Variants in GRID2 observed in about 807,000 individuals in gnomAD.
The protein encoded by GRID2 is glutamate ionotropic receptor delta type subunit 2.
GRID2 carries 33 observed loss-of-function variants against 114.8 expected under a neutral mutation model. That is an observed-to-expected ratio of 0.29 (90% CI 0.22 to 0.38). GRID2 has a LOEUF of 0.38. Ranked by LOEUF, GRID2 falls within the 10% of genes least tolerant of loss-of-function variation. The pLI is 1.00. For synonymous variants in GRID2, 505 were observed against 449.9 expected (o/e 1.12, Z -1.55); for missense variants, 1,184 against 1,257.7 (o/e 0.94, Z 0.89).
intron 4 of GRID2, among the ~76,000 whole-genome samples, chr4:93,147,083 T>A (rs1422683527): frequency 6.6e-6 from 1 of 152,088 alleles, no homozygotes; most frequent in African/African-American, 2.4e-5. Flanking sequence ...TAATGAAATT[T>A]GATGAATTTT....
At chr4:93,537,431 T>C (rs967057204) in intron 13 of GRID2, among the ~76,000 whole-genome samples, 1 of 151,682 alleles carries the variant, frequency 6.6e-6, no homozygotes, top group Non-Finnish European at 1.5e-5. Context: ...TAAAAACAAA[T>C]GGCTATAAAA....
rs747996250 is a variant in GRID2, at chr4:92,620,465, G to T, written c.244+30179G>T. ...ACTTGAATAACTTATTATATATCTG[G>T]GACCAGTAAAAGAGAGACTCAAAGA... On this transcript the variant is annotated intron_variant, in intron 2 of 15. Coordinates refer to ENST00000282020, the MANE Select transcript of GRID2 (RefSeq NM_001510.4). 1.0e-3 allele frequency among the ~76,000 whole-genome samples: 151 copies of T among 151,586 alleles called. 1 individual carries two copies. The highest frequency in any genetic ancestry group is 1.6e-4 in the Non-Finnish European group (11 of 67,828).
At chr4:92,572,725 A>T (rs972354459) in intron 1 of GRID2, among the ~76,000 whole-genome samples, 1 of 152,062 alleles carries the variant, frequency 6.6e-6, no homozygotes, top group African/African-American at 2.4e-5. Context: ...TCGGTTTAGC[A>T]GTGTTTTGTT....
At chr4:93,254,831 AATT>A (rs1342149135) in intron 8 of GRID2, among the ~76,000 whole-genome samples, 1 of 152,152 alleles carries the variant, frequency 6.6e-6, no homozygotes, top group African/African-American at 2.4e-5. Context: ...GAAATTGGAT[AATT>A]ATTCTTGGGA....
chr4:93,227,612 T>C (rs1015653523), intron 7 of GRID2, among the ~76,000 whole-genome samples: 5 of 152,216 alleles, frequency 3.3e-5, no homozygotes, highest in Non-Finnish European at 7.3e-5. Context: ...ATAAAATCTA[T>C]CTTTAAGTCG....
At chr4:92,623,446 A>G (rs1436215366) in intron 2 of GRID2, among the ~76,000 whole-genome samples, 1 of 151,728 alleles carries the variant, frequency 6.6e-6, no homozygotes, top group Non-Finnish European at 1.5e-5. Flanking sequence ...TACATGAAAC[A>G]AAGCCATAAT....
intron 7 of GRID2, among the ~76,000 whole-genome samples, chr4:93,225,034 C>T (rs770017361): frequency 6.6e-6 from 1 of 152,014 alleles, no homozygotes; most frequent in Non-Finnish European, 1.5e-5. Flanking sequence ...ATGTCATTAG[C>T]ATTAGAGATA....
chr4:93,747,921 A>G lies in GRID2; in HGVS notation c.2361-21289A>G, dbSNP rs115743894. Among the ~76,000 whole-genome samples the G allele has an allele frequency of 6.1e-3, 927 of 152,254 alleles. 13 individuals carry two copies. The highest frequency in any genetic ancestry group is 0.021 in the African/African-American group (884 of 41,554). ...TTCGTTCTCACATCGTCACCATGAG[A>G]TAAGTACTATTTTTCAACTTGCAGA... On this transcript the variant is annotated intron_variant, in intron 14 of 15. Transcript: ENST00000282020.
intron 13 of GRID2, among the ~76,000 whole-genome samples, chr4:93,543,651 G>A (rs1264411209): frequency 1.3e-5 from 2 of 151,284 alleles, no homozygotes; most frequent in African/African-American, 4.9e-5. Context: ...TGGGAGTAAG[G>A]GCAAGGGAGT....
At chr4:92,305,966 A>G (rs1360524751) in intron 1 of GRID2, among the ~76,000 whole-genome samples, 1 of 152,144 alleles carries the variant, frequency 6.6e-6, no homozygotes, top group East Asian at 1.9e-4. Context: ...AATTGAGGCG[A>G]CAGATGGGTC....
At chr4:93,605,808 T>G (rs1235328552) in intron 13 of GRID2, among the ~76,000 whole-genome samples, 11 of 152,166 alleles carry the variant, frequency 7.2e-5, no homozygotes, top group Non-Finnish European at 2.9e-5. Context: ...GTAAGTATAA[T>G]GCAATGTGCT....
intron 8 of GRID2, among the ~76,000 whole-genome samples, chr4:93,327,988 A>C (rs4693312): frequency 0.4 from 59,991 of 151,794 alleles, 12,139 homozygotes; most frequent in East Asian, 0.62. Context: ...ACTGAAGAAA[A>C]CTAACTAGTT....
At chr4:92,455,659 GT>G (rs1203650389) in intron 1 of GRID2, among the ~76,000 whole-genome samples, 3 of 152,170 alleles carry the variant, frequency 2.0e-5, no homozygotes, top group African/African-American at 7.2e-5. Context: ...AGACCATTGT[GT>G]CTAGGTAGGG....
chr4:93,295,388 C>T (rs1754183456), intron 8 of GRID2, among the ~76,000 whole-genome samples: 1 of 152,156 alleles, frequency 6.6e-6, no homozygotes, highest in South Asian at 2.1e-4. Flanking sequence ...GTGATATCCT[C>T]AATGCCAAAT....
intron 14 of GRID2, among the ~76,000 whole-genome samples, chr4:93,759,302 C>A (rs944128035): frequency 2.0e-5 from 3 of 152,004 alleles, no homozygotes; most frequent in African/African-American, 4.8e-5. Flanking sequence ...ATGACTCTAA[C>A]CTAGAGAGAT....
intron 1 of GRID2, among the ~76,000 whole-genome samples, chr4:92,366,504 G>T (rs1437464737): frequency 2.0e-5 from 3 of 151,934 alleles, no homozygotes; most frequent in African/African-American, 7.2e-5. Context: ...CGTATGGCAG[G>T]CACTCAAGGA....
intron 1 of GRID2, among the ~76,000 whole-genome samples, chr4:92,347,121 T>A (rs533833343): frequency 6.6e-6 from 1 of 152,350 alleles, no homozygotes; most frequent in East Asian, 1.9e-4. Flanking sequence ...CTCATCCAAT[T>A]TTAGTTTCTG....
At chr4:93,592,410 T>G (rs908651892) in intron 13 of GRID2, among the ~76,000 whole-genome samples, 1 of 152,228 alleles carries the variant, frequency 6.6e-6, no homozygotes, top group Non-Finnish European at 1.5e-5. Flanking sequence ...GATTGCACTG[T>G]GGTCTGAGAG....
intron 8 of GRID2, among the ~76,000 whole-genome samples, chr4:93,315,769 C>A (rs1756515456): frequency 6.6e-6 from 1 of 152,038 alleles, no homozygotes; most frequent in South Asian, 2.1e-4. Flanking sequence ...ACATACTCTC[C>A]TATACTAAGT....
Sources: allele counts gnomAD v4.1 joint callset (sites outside exome capture counted in the v4.1 genomes callset), GRCh38; gene constraint gnomAD v4.1.1; transcripts MANE v1.5; gene names NCBI Gene and HGNC (gene_info 2026-07-23, HGNC 2026-07-21).